CDC73: variants seen among roughly 807,000 people sequenced by gnomAD.
CDC73 encodes the protein cell division cycle 73.
A neutral mutation model predicts 83.7 loss-of-function variants in CDC73; 21 were observed. The observed-to-expected ratio is 0.25, with a 90% confidence interval of 0.18 to 0.36. The LOEUF (loss-of-function observed/expected upper bound fraction) is 0.36, where lower values mean the gene tolerates loss of function less well. CDC73 is among the 10% of genes least tolerant of loss of function. CDC73 has a pLI of 1.00. For missense variants in CDC73, 342 were observed against 653.3 expected (o/e 0.52, Z 5.19); for synonymous variants, 224 against 212.9 (o/e 1.05, Z -0.45).
At chr1:193,155,595 T>G (rs186415049) in intron 10 of CDC73, among the ~76,000 whole-genome samples, 2 of 152,102 alleles carry the variant, frequency 1.3e-5, no homozygotes, top group African/African-American at 4.8e-5. Flanking sequence ...TCGGTTAACA[T>G]GGCAAAACCC....
At chr1:193,204,170 T>C (rs895632365) in intron 11 of CDC73, among the ~76,000 whole-genome samples, 3 of 148,618 alleles carry the variant, frequency 2.0e-5, no homozygotes, top group Non-Finnish European at 4.5e-5. Context: ...TTTTGTTTTT[T>C]ATATATATAT....
At chr1:193,234,889 T>A (rs1189324175) in intron 14 of CDC73, among the ~76,000 whole-genome samples, 2 of 106,680 alleles carry the variant, frequency 1.9e-5, no homozygotes, top group African/African-American at 7.5e-5. Context: ...TTAATTTTAG[T>A]CTCAGAGATT....
At chr1:193,169,006 T>C (rs948223482) in intron 10 of CDC73, among the ~76,000 whole-genome samples, 3 of 152,262 alleles carry the variant, frequency 2.0e-5, no homozygotes, top group African/African-American at 7.2e-5. Flanking sequence ...AGTCTTGGCC[T>C]GTGTGCCATA....
chr1:193,182,569 T>C (rs1676735193), intron 10 of CDC73, among the ~76,000 whole-genome samples: 1 of 152,178 alleles, frequency 6.6e-6, no homozygotes, highest in South Asian at 2.1e-4. Flanking sequence ...TGCTTTATTC[T>C]AAATTTACAT....
At chr1:193,249,167 A>G (rs1443374346) in intron 15 of CDC73, among the ~76,000 whole-genome samples, 2 of 152,044 alleles carry the variant, frequency 1.3e-5, no homozygotes, top group African/African-American at 4.8e-5. Flanking sequence ...CACCCTGTTC[A>G]GTCAACAGCC....
chr1:193,187,102 T>TTCCCCC (rs1553285108), intron 10 of CDC73, among the ~76,000 whole-genome samples: 4 of 32,872 alleles, frequency 1.2e-4, no homozygotes, highest in African/African-American at 2.0e-4. Flanking sequence ...GTAATTTAGA[T>TTCCCCC]CCCCCCCCCC....
At chr1:193,122,538 ATTT>A in intron 1 of CDC73, 2 of 568,778 alleles carry the variant, frequency 3.5e-6, no homozygotes, top group Non-Finnish European at 6.2e-6. Flanking sequence ...ATCACTTAAA[ATTT>A]TTGAGAAGCC....
At chr1:193,179,137 A>G (rs947435130) in intron 10 of CDC73, 2 of 152,192 alleles carry the variant, frequency 1.3e-5, no homozygotes, top group African/African-American at 2.4e-5. Flanking sequence ...AAACGTTTGT[A>G]GTTTTCCCCA....
At chr1:193,167,040 G>A (rs1281457908) in intron 10 of CDC73, among the ~76,000 whole-genome samples, 1 of 152,154 alleles carries the variant, frequency 6.6e-6, no homozygotes, top group Non-Finnish European at 1.5e-5. Context: ...TTTATAATGA[G>A]ATTTTATGTA....
chr1:193,122,389 C>A, intron 1 of CDC73, 58 bp downstream of exon 1: 1 of 1,610,680 alleles, frequency 6.2e-7, no homozygotes, highest in East Asian at 2.2e-5. Context: ...CGCCCCCAGG[C>A]GACCTCTTTC....
At chr1:193,170,149 A>G (rs181921714) in intron 10 of CDC73, among the ~76,000 whole-genome samples, 22 of 152,268 alleles carry the variant, frequency 1.4e-4, no homozygotes, top group Non-Finnish European at 3.1e-4. Flanking sequence ...ATCACTGCAT[A>G]GTATTCCATG....
chr1:193,197,514 G>T (rs1403474908), intron 10 of CDC73, among the ~76,000 whole-genome samples: 1 of 152,164 alleles, frequency 6.6e-6, no homozygotes, highest in Non-Finnish European at 1.5e-5. Context: ...TTCATTTCAT[G>T]TATTTATTAT....
intron 10 of CDC73, among the ~76,000 whole-genome samples, chr1:193,197,689 G>A (rs928477570): frequency 3.3e-5 from 5 of 152,064 alleles, no homozygotes; most frequent in Non-Finnish European, 2.9e-5. Context: ...ACTTTGGGAG[G>A]CTGAGGTGGG....
chr1:193,202,537 A>G (rs1677109588), intron 10 of CDC73, among the ~76,000 whole-genome samples: 1 of 151,894 alleles, frequency 6.6e-6, no homozygotes, highest in Non-Finnish European at 1.5e-5. Context: ...AGTAGTAAAT[A>G]CACCAATATA....
intron 10 of CDC73, among the ~76,000 whole-genome samples, chr1:193,172,340 T>A (rs2103150867): frequency 6.6e-6 from 1 of 152,138 alleles, no homozygotes; most frequent in South Asian, 2.1e-4. Flanking sequence ...TGAGGTTTCT[T>A]TTTTTTGTAT....
At chr1:193,249,286 G>A (rs1678005371) in intron 15 of CDC73, among the ~76,000 whole-genome samples, 1 of 152,018 alleles carries the variant, frequency 6.6e-6, no homozygotes, top group Admixed American at 6.6e-5. Flanking sequence ...ATTAGGGGAT[G>A]TACACTGTTT....
chr1:193,171,004 CT>C (rs1197780869), intron 10 of CDC73, among the ~76,000 whole-genome samples: 1 of 152,198 alleles, frequency 6.6e-6, no homozygotes, highest in Non-Finnish European at 1.5e-5. Flanking sequence ...GTGTTTACCC[CT>C]CCAGAGAAAA....
chr1:193,198,669 G>A (rs574481891), intron 10 of CDC73, among the ~76,000 whole-genome samples: 1 of 152,322 alleles, frequency 6.6e-6, no homozygotes, highest in South Asian at 2.1e-4. Flanking sequence ...CAAAACAAGG[G>A]AACATTGGAA....
At chr1:193,190,437 C>T (rs1338892834) in intron 10 of CDC73, among the ~76,000 whole-genome samples, 1 of 152,140 alleles carries the variant, frequency 6.6e-6, no homozygotes, top group Non-Finnish European at 1.5e-5. Flanking sequence ...TTATTAAAAG[C>T]TTGTAATTTT....
Sources: allele counts gnomAD v4.1 joint callset (sites outside exome capture counted in the v4.1 genomes callset), GRCh38; gene constraint gnomAD v4.1.1; transcripts MANE v1.5; gene names NCBI Gene and HGNC (gene_info 2026-07-23, HGNC 2026-07-21).